The following LRFN5 variants were observed in gnomAD, a reference collection of about 807,000 sequenced individuals.
The protein encoded by LRFN5 is leucine rich repeat and fibronectin type III domain containing 5, also known as leucine-rich repeat and fibronectin type-III domain-containing protein 5.
Under a neutral mutation model 45.6 loss-of-function variants are expected in LRFN5, and 24 were observed. That is an observed-to-expected ratio of 0.53 (90% CI 0.38 to 0.74). LRFN5 has a LOEUF of 0.74. LRFN5 is among the 30% of genes least tolerant of loss of function. The pLI is 0.00. For missense variants in LRFN5, 776 were observed against 861.5 expected (o/e 0.90, Z 1.24); for synonymous variants, 340 against 313.8 (o/e 1.08, Z -0.88).
At chr14:41,669,405 A>G (rs1393218735) in intron 1 of LRFN5, among the ~76,000 whole-genome samples, 3 of 152,090 alleles carry the variant, frequency 2.0e-5, no homozygotes, top group Non-Finnish European at 4.4e-5. Context: ...AGTTTAAACC[A>G]ATACAAAAAA....
chr14:41,756,511 C>A (rs1375246508), intron 1 of LRFN5, among the ~76,000 whole-genome samples: 1 of 151,630 alleles, frequency 6.6e-6, no homozygotes, highest in Non-Finnish European at 1.5e-5. Context: ...TTCATTTCAT[C>A]TTCCATCACT....
chr14:41,728,655 T>TA (rs1439562156), intron 1 of LRFN5, among the ~76,000 whole-genome samples: 1 of 152,156 alleles, frequency 6.6e-6, no homozygotes, highest in Non-Finnish European at 1.5e-5. Context: ...TCTTTATCAT[T>TA]AAGAGAATTC....
chr14:41,753,311 T>C (rs1009387439), intron 1 of LRFN5, among the ~76,000 whole-genome samples: 3 of 152,174 alleles, frequency 2.0e-5, no homozygotes, highest in African/African-American at 7.2e-5. Flanking sequence ...AGAAAGTCAT[T>C]GGTAGCTTGA....
chr14:41,619,302 G>A (rs1257238963), intron 1 of LRFN5, among the ~76,000 whole-genome samples: 1 of 151,650 alleles, frequency 6.6e-6, no homozygotes, highest in East Asian at 1.9e-4. Context: ...TACTCTACAG[G>A]TATTTGACAT....
chr14:41,846,082 T>A (rs1242504149), intron 2 of LRFN5, among the ~76,000 whole-genome samples: 1 of 152,118 alleles, frequency 6.6e-6, no homozygotes, highest in African/African-American at 2.4e-5. Flanking sequence ...TGGCGGTGAA[T>A]GCAATCTTGA....
At chr14:41,843,969 A>G (rs1888958600) in intron 2 of LRFN5, among the ~76,000 whole-genome samples, 1 of 152,248 alleles carries the variant, frequency 6.6e-6, no homozygotes, top group African/African-American at 2.4e-5. Context: ...ATGCAAAATA[A>G]TAAAAATACA....
At chr14:41,819,918 G>A (rs1013133929) in intron 2 of LRFN5, among the ~76,000 whole-genome samples, 4 of 150,514 alleles carry the variant, frequency 2.7e-5, no homozygotes, top group Non-Finnish European at 5.9e-5. Flanking sequence ...CTGACCACCT[G>A]TATGTTATTG....
At chr14:41,689,894 CAAAAA>C (rs10572529) in intron 1 of LRFN5, among the ~76,000 whole-genome samples, 2,212 of 82,006 alleles carry the variant, frequency 0.027, 50 homozygotes, top group African/African-American at 0.091. Context: ...GACTCCGTCT[CAAAAA>C]AAAAAAAAAA....
chr14:41,649,160 G>T (rs1053684022), intron 1 of LRFN5, among the ~76,000 whole-genome samples: 2 of 151,966 alleles, frequency 1.3e-5, no homozygotes, highest in African/African-American at 4.8e-5. Flanking sequence ...GCTTGAACCC[G>T]GGAGGCGGAG....
Position 41,790,896 on chromosome 14 carries a change from A to C in LRFN5, c.-21+23867A>C, listed in dbSNP as rs115432508. ...TTATAATTGTTGGGCATTATGCACTATACATTCAGCTGTTAATTATGTGAC... is the reference window on the plus strand; with the variant it reads ...TTATAATTGTTGGGCATTATGCACTCTACATTCAGCTGTTAATTATGTGAC... On this transcript the variant is annotated intron_variant, in intron 2 of 5. Coordinates refer to ENST00000298119, the MANE Select transcript of LRFN5 (RefSeq NM_152447.5). Among the ~76,000 whole-genome samples, 310 of 151,876 alleles carry C rather than the reference A, an allele frequency of 2.0e-3. 1 individual carries two copies. Among genetic ancestry groups the C allele is most frequent in the African/African-American group, 7.0e-3 (289 of 41,546 alleles).
At chr14:41,834,921 C>T (rs148181271) in intron 2 of LRFN5, among the ~76,000 whole-genome samples, 1 of 151,890 alleles carries the variant, frequency 6.6e-6, no homozygotes, top group Admixed American at 6.5e-5. Flanking sequence ...CCTTAGCCTC[C>T]CAAAGTGCTA....
At chr14:41,759,067 C>T (rs1885536554) in intron 1 of LRFN5, among the ~76,000 whole-genome samples, 1 of 152,116 alleles carries the variant, frequency 6.6e-6, no homozygotes, top group Non-Finnish European at 1.5e-5. Flanking sequence ...AGATCTAAGA[C>T]ACGTGGTACA....
At chr14:41,708,859 T>C (rs1347557632) in intron 1 of LRFN5, among the ~76,000 whole-genome samples, 1 of 151,992 alleles carries the variant, frequency 6.6e-6, no homozygotes, top group Non-Finnish European at 1.5e-5. Flanking sequence ...TCCAACTGTT[T>C]TTATCAGGAG....
intron 1 of LRFN5, among the ~76,000 whole-genome samples, chr14:41,703,952 CTG>C (rs753137811): frequency 4.6e-5 from 7 of 151,950 alleles, no homozygotes; most frequent in Non-Finnish European, 8.8e-5. Context: ...CTTCAAAATT[CTG>C]TGTCTGACTT....
chr14:41,739,234 A>C (rs1293576299), intron 1 of LRFN5, among the ~76,000 whole-genome samples: 1 of 152,084 alleles, frequency 6.6e-6, no homozygotes, highest in African/African-American at 2.4e-5. Flanking sequence ...AAAATACAAA[A>C]ATAAGCCAGG....
Position 41,781,686 on chromosome 14 carries a change from A to AAGAAAGAAAAAG in LRFN5, c.-21+14673_-21+14684dup, listed in dbSNP as rs964932101. The stretch of plus-strand genomic sequence containing the variant: ...GAAAGGAAAGAAAGAAAGAAAGAGA[A>AAGAAAGAAAAAG]AGAAAGAAAAAGAGAAAGAAAAAGA... On this transcript the variant is annotated intron_variant, in intron 2 of 5. Coordinates refer to ENST00000298119, the MANE Select transcript of LRFN5 (RefSeq NM_152447.5). Among the ~76,000 whole-genome samples, 189 of 149,364 alleles carry AAGAAAGAAAAAG rather than the reference A, an allele frequency of 1.3e-3. 1 individual carries two copies. The highest frequency in any genetic ancestry group is 3.4e-3 in the Middle Eastern group (1 of 294).
intron 5 of LRFN5, among the ~76,000 whole-genome samples, chr14:41,900,935 T>G (rs1331053627): frequency 6.6e-6 from 1 of 152,088 alleles, no homozygotes; most frequent in Non-Finnish European, 1.5e-5. Context: ...ACTCTTCAGC[T>G]CCGAGTTTTC....
At chr14:41,658,654 A>G (rs1566607275) in intron 1 of LRFN5, among the ~76,000 whole-genome samples, 2 of 151,976 alleles carry the variant, frequency 1.3e-5, no homozygotes, top group South Asian at 4.1e-4. Context: ...GTTACATTAC[A>G]TCTACTTTGA....
intron 2 of LRFN5, among the ~76,000 whole-genome samples, chr14:41,808,019 A>G (rs1298865706): frequency 6.6e-6 from 1 of 151,254 alleles, no homozygotes; most frequent in African/African-American, 2.4e-5. Flanking sequence ...TTAAAGTTTG[A>G]TACCTTAATA....
Sources: gnomAD v4.1 joint callset for allele counts (sites outside exome capture counted in the v4.1 genomes callset) on GRCh38, gnomAD v4.1.1 for gene constraint, MANE v1.5 for transcripts, NCBI Gene and HGNC (gene_info 2026-07-23, HGNC 2026-07-21) for gene names.